Variants in RBM23 observed in about 807,000 individuals in gnomAD.
The protein encoded by RBM23 is probable RNA-binding protein 23.
RBM23 carries 53 observed loss-of-function variants against 56.2 expected under a neutral mutation model. The observed-to-expected ratio is 0.94, with a 90% CI of 0.76 to 1.19. RBM23 has a LOEUF of 1.19. RBM23 is among the 50% of genes most tolerant of loss of function. The pLI is 0.00. For missense variants in RBM23, 642 were observed against 590.3 expected (o/e 1.09, Z -0.91); for synonymous variants, 197 against 198.5 (o/e 0.99, Z 0.06).
chr14:22,905,445 A>G lies in RBM23; in HGVS notation c.464T>C (p.Val155Ala), dbSNP rs1023467198. 6.2e-6 allele frequency: 10 copies of G among 1,614,092 alleles called. No homozygotes were observed. The highest frequency in any genetic ancestry group is 8.5e-6 in the Non-Finnish European group (10 of 1,180,036). The change falls in exon 7 of 14, where the codon GTT becomes GCT. Residue 155 changes from valine to alanine, a missense_variant. Transcript: ENST00000359890. ...ACGCTCCTCAGGACTCAGATTATCA[A>G]CTGGCTCCCTGAAGAGTGAAATGTG... ...FREKSPVREPVDNLSPEERDA... is the reference protein window; with the variant it reads ...FREKSPVREPADNLSPEERDA...
chr14:22,916,575 TG>T (rs1184907372), intron 1 of RBM23, among the ~76,000 whole-genome samples: 1 of 152,018 alleles, frequency 6.6e-6, no homozygotes, highest in African/African-American at 2.4e-5. Flanking sequence ...AGCTAATTCT[TG>T]ATCAGAAAGG....
Position 22,895,586 on chromosome 14 carries a change from C to T in RBM23, c.*6144G>A. The T allele has an allele frequency of 6.6e-6, 1 of 152,420 alleles. No individual in the cohort carries two copies. The highest frequency in any genetic ancestry group is 2.1e-4 in the South Asian group (1 of 4,826). 9.4% of individuals were successfully genotyped at this position (152,420 alleles called of 1,614,324 possible). A position where few individuals can be genotyped will look rare whatever the true frequency, so the allele number is the denominator to read the frequency against. On this transcript the variant is annotated 3_prime_UTR_variant, in exon 14 of 14. Transcript: ENST00000359890. ...GGAGGATCACTTAAGCCCAGGAGTT[C>T]AAGACCACCTGGGCAACATAGCAAG...
In RBM23 at chr14:22,908,409, T is replaced by C. The variant is rs539508370; in HGVS notation, c.180-29A>G. 308 of 1,540,196 alleles carry C rather than the reference T, an allele frequency of 2.0e-4. 1 individual carries two copies. In the East Asian group the frequency reaches 7.5e-3, roughly 37 times the overall value. On this transcript the variant is annotated intron_variant, in intron 3 of 13. Coordinates refer to ENST00000359890, the MANE Select transcript of RBM23 (RefSeq NM_001077351.2). ...TGAAAGAGAGTACATTCTTCTTTTTTTTTTTTTAATTTTGAGAAAGAATCT... is the reference window on the plus strand; with the variant it reads ...TGAAAGAGAGTACATTCTTCTTTTTCTTTTTTTAATTTTGAGAAAGAATCT...
At chr14:22,910,880 G>A (rs758015350) in intron 2 of RBM23, among the ~76,000 whole-genome samples, 18 of 152,156 alleles carry the variant, frequency 1.2e-4, no homozygotes, top group Non-Finnish European at 1.9e-4. Flanking sequence ...GCATGGTGGT[G>A]CTTGCCTATA....
Position 22,893,307 on chromosome 14 carries a change from G to GAC in RBM23, c.*8421_*8422dup, listed in dbSNP as rs1180225632. On this transcript the variant is annotated 3_prime_UTR_variant, in exon 14 of 14. Coordinates refer to ENST00000359890, the MANE Select transcript of RBM23 (RefSeq NM_001077351.2). ...AATCTTTCATCCACAAATGCTAGAA[G>GAC]ACATTTTGTTTCTCTCAAGTACTAA... 6.6e-6 allele frequency: 1 copy of GAC among 152,202 alleles called. No individual in the cohort carries two copies. 9.4% of individuals were successfully genotyped at this position (152,202 alleles called of 1,614,324 possible). A position where few individuals can be genotyped will look rare whatever the true frequency, so the allele number is the denominator to read the frequency against.
intron 10 of RBM23, chr14:22,903,807 G>C (rs2138926074): frequency 9.3e-7 from 1 of 1,072,228 alleles, no homozygotes; most frequent in South Asian, 2.8e-5. Flanking sequence ...TCCCCATAGT[G>C]CTACGTTAAT....
At chr14:22,907,342 CA>C (rs974817586) in intron 4 of RBM23, among the ~76,000 whole-genome samples, 11 of 142,038 alleles carry the variant, frequency 7.7e-5, no homozygotes, top group Admixed American at 1.4e-4. Context: ...AACTCGGTCT[CA>C]AAAAAAAAAG....
chr14:22,908,424 A>G, intron 3 of RBM23, 44 bp from the exon 4 acceptor site: 1 of 1,529,268 alleles, frequency 6.5e-7, no homozygotes, highest in Non-Finnish European at 8.8e-7. Context: ...TTTAATTTTG[A>G]GAAAGAATCT....
At chr14:22,913,597 T>C (rs1214785410) in intron 1 of RBM23, 2 of 151,706 alleles carry the variant, frequency 1.3e-5, no homozygotes, top group Middle Eastern at 3.4e-3. Flanking sequence ...CTCGTCTTTA[T>C]TAAAAATATA....
chr14:22,906,271 G>A lies in RBM23; in HGVS notation c.325C>T (p.His109Tyr), dbSNP rs760501952. 1 of 1,614,212 alleles carries A rather than the reference G, an allele frequency of 6.2e-7. No individual in the cohort carries two copies. The highest frequency in any genetic ancestry group is 2.2e-5 in the East Asian group (1 of 44,884). The part of the protein sequence containing the change: ...RHRSRSWDRR[H>Y]GSESRSRDHR... ...TCCCGACTTCGCGACTCACTACCAT[G>A]TCGACGATCCCAGCTACGGCTACGG... is the stretch of plus-strand genomic sequence containing the variant. Residue 109 changes from histidine to tyrosine, a missense_variant, in exon 5 of 14, where the codon CAT becomes TAT. Transcript: ENST00000359890.
chr14:22,905,342 T>C lies in RBM23; in HGVS notation c.567A>G (p.Val189=). The change falls in exon 7 of 14, where the codon GTA becomes GTG. Residue 189 remains valine, a synonymous_variant. Coordinates refer to ENST00000359890, the MANE Select transcript of RBM23 (RefSeq NM_001077351.2). ...PRDLEDFFSA[V]GKVRDVRIIS... ...ACTAAGGTGGGAGGGTTACCTTGCCTACAGCAGAGAAAAAGTCCTCCAGAT... is the reference window on the plus strand; with the variant it reads ...ACTAAGGTGGGAGGGTTACCTTGCCCACAGCAGAGAAAAAGTCCTCCAGAT... The C allele has an allele frequency of 6.2e-7, 1 of 1,614,054 alleles. No homozygotes were observed. Among genetic ancestry groups the C allele is most frequent in the Non-Finnish European group, 8.5e-7 (1 of 1,180,020 alleles).
intron 9 of RBM23, 72 bp from the exon 10 acceptor site, chr14:22,904,398 CTTTTT>C (rs371371804): frequency 1.1e-5 from 11 of 1,015,982 alleles, no homozygotes; most frequent in African/African-American, 8.9e-5. Context: ...ACCCAGACTG[CTTTTT>C]TTTTTTTTTT....
chr14:22,904,256 C>T lies in RBM23; in HGVS notation c.930+5G>A, dbSNP rs1320034619. On this transcript the variant is annotated splice_donor_5th_base_variant and intron_variant, in intron 10 of 13. Transcript: ENST00000359890. The stretch of plus-strand genomic sequence containing the variant: ...AATAAAAAAATTAAAAGACTAGAGA[C>T]TCACCGTGATGAAACCATAACCTTT... The T allele has an allele frequency of 6.2e-7, 1 of 1,614,056 alleles. No homozygotes were observed. The highest frequency in any genetic ancestry group is 8.5e-7 in the Non-Finnish European group (1 of 1,179,950).
chr14:22,902,756 C>CTTTTT (rs59987550), intron 10 of RBM23: 1 of 432,480 alleles, frequency 2.3e-6, no homozygotes, highest in African/African-American at 3.2e-5. Flanking sequence ...AAGTTTTAGT[C>CTTTTT]TTTTTTTTTT....
chr14:22,902,228 G>A lies in RBM23; in HGVS notation c.1085C>T (p.Ser362Leu). The A allele has an allele frequency of 6.2e-7, 1 of 1,614,170 alleles. No homozygotes were observed. The highest frequency in any genetic ancestry group is 1.6e-4 in the Middle Eastern group (1 of 6,062). Residue 362 changes from serine (S) to leucine (L), a missense_variant, in exon 11 of 14, where the codon TCA becomes TTA. Transcript: ENST00000359890. Reference protein sequence around the residue: ...PDGDQELDLGSAGGRFQLMAK... With the variant: ...PDGDQELDLGLAGGRFQLMAK... ...CATGAGCTGAAAACGTCCACCTGCT[G>A]ATCCCAGATCCAGCTCCTGGTCCCC...
At chr14:22,912,878 TAGGC>T (rs1477164651) in intron 1 of RBM23, among the ~76,000 whole-genome samples, 4 of 151,352 alleles carry the variant, frequency 2.6e-5, no homozygotes, top group African/African-American at 9.7e-5. Flanking sequence ...CACGCGCCTG[TAGGC>T]CCAGCTACTC....
chr14:22,918,926 A>AG (rs1187763488), intron 1 of RBM23, 73 bp downstream of exon 1: 1 of 152,108 alleles, frequency 6.6e-6, no homozygotes, highest in East Asian at 1.9e-4. Flanking sequence ...CCGTGACGTC[A>AG]GGGGGGAGGC....
chr14:22,909,653 A>G, intron 2 of RBM23, 58 bp from the exon 3 acceptor site: 1 of 1,339,792 alleles, frequency 7.5e-7, no homozygotes, highest in Non-Finnish European at 1.1e-6. Flanking sequence ...CACAGATTCC[A>G]ATGGGCAAAG....
chr14:22,914,554 G>A (rs1036485453), intron 1 of RBM23, among the ~76,000 whole-genome samples: 10 of 151,748 alleles, frequency 6.6e-5, no homozygotes, highest in African/African-American at 2.2e-4. Context: ...ATATCAAAAC[G>A]CATGAAAGTG....
Sources: gnomAD v4.1 joint callset for allele counts (sites outside exome capture counted in the v4.1 genomes callset) on GRCh38, gnomAD v4.1.1 for gene constraint, MANE v1.5 for transcripts, NCBI Gene and HGNC (gene_info 2026-07-23, HGNC 2026-07-21) for gene names.